The following STK33 variants were observed in gnomAD, a reference collection of about 807,000 sequenced individuals.
The protein encoded by STK33 is serine/threonine kinase 33.
STK33 carries 52 observed loss-of-function variants against 58.0 expected under a neutral mutation model. The ratio of observed to expected loss-of-function variants is 0.90; its 90% CI spans 0.72 to 1.13. STK33 has a LOEUF of 1.13. Ranked by LOEUF, STK33 falls within the 50% of genes most tolerant of loss-of-function variation. The pLI, the probability that STK33 is intolerant of heterozygous loss-of-function variation, is 0.00. For missense variants in STK33, 630 were observed against 604.2 expected (o/e 1.04, Z -0.45); for synonymous variants, 215 against 200.1 (o/e 1.07, Z -0.63).
chr11:8,578,222 T>C (rs1437320681), intron 1 of STK33, among the ~76,000 whole-genome samples: 2 of 152,124 alleles, frequency 1.3e-5, no homozygotes, highest in African/African-American at 4.8e-5. Flanking sequence ...TATTAGTGAA[T>C]TTCACCATGC....
At chr11:8,499,987 T>A (rs1951388875) in intron 1 of STK33, among the ~76,000 whole-genome samples, 1 of 151,990 alleles carries the variant, frequency 6.6e-6, no homozygotes, top group African/African-American at 2.4e-5. Context: ...GGTTGATGGG[T>A]GCAGTAAACC....
At chr11:8,361,670 T>C in the STK33 span, among the ~76,000 whole-genome samples, 1 of 152,224 alleles carries the variant, frequency 6.6e-6, no homozygotes, top group African/African-American at 2.4e-5. The surrounding 1 kb of genome is among the most constrained non-coding windows in gnomAD (Gnocchi z 4.8). Flanking sequence ...TTGTCTCCTC[T>C]GCTTCTTCAG....
intron 1 of STK33, among the ~76,000 whole-genome samples, chr11:8,587,218 T>C (rs571721516): frequency 5.9e-4 from 90 of 152,322 alleles, no homozygotes; most frequent in African/African-American, 2.1e-3. Flanking sequence ...GTTTTTTTAA[T>C]TGCATTTATA....
chr11:8,572,091 C>A (rs1957867741), intron 1 of STK33, among the ~76,000 whole-genome samples: 1 of 149,136 alleles, frequency 6.7e-6, no homozygotes, highest in Admixed American at 6.7e-5. Context: ...AAAAACTATC[C>A]AAGGCTCGTG....
At chr11:8,353,365 G>A in the STK33 span, among the ~76,000 whole-genome samples, 2 of 152,162 alleles carry the variant, frequency 1.3e-5, no homozygotes, top group African/African-American at 2.4e-5. Context: ...TTGTCAAAGC[G>A]TCCTTTTGTC....
intron 7 of STK33, among the ~76,000 whole-genome samples, chr11:8,464,096 C>T (rs766215368): frequency 6.6e-6 from 1 of 152,116 alleles, no homozygotes; most frequent in Non-Finnish European, 1.5e-5. Flanking sequence ...TTTTCCCAGG[C>T]ACAGAAATGA....
intron 1 of STK33, among the ~76,000 whole-genome samples, chr11:8,545,521 C>T (rs1057490847): frequency 3.9e-5 from 6 of 152,230 alleles, no homozygotes; most frequent in South Asian, 4.1e-4. Context: ...CCCCTGAATG[C>T]GTTTGTTTAA....
At chr11:8,400,907 AC>A (rs1937769444) in intron 15 of STK33, among the ~76,000 whole-genome samples, 1 of 152,212 alleles carries the variant, frequency 6.6e-6, no homozygotes, top group South Asian at 2.1e-4. Context: ...AATCCAACTT[AC>A]AAGGGATGTG....
the STK33 span, among the ~76,000 whole-genome samples, chr11:8,342,259 T>C: frequency 6.6e-6 from 1 of 152,206 alleles, no homozygotes; most frequent in Non-Finnish European, 1.5e-5. Flanking sequence ...CGTGACTTCC[T>C]CCAGGACCTT....
At chr11:8,459,418 T>C (rs906748043) in intron 8 of STK33, among the ~76,000 whole-genome samples, 1 of 152,170 alleles carries the variant, frequency 6.6e-6, no homozygotes, top group Non-Finnish European at 1.5e-5. Flanking sequence ...GATGATGGTT[T>C]CCTCTGCCTT....
chr11:8,379,117 A>C, the STK33 span, among the ~76,000 whole-genome samples: 1 of 152,138 alleles, frequency 6.6e-6, no homozygotes, highest in Non-Finnish European at 1.5e-5. Context: ...CTGGATCCCT[A>C]TCTCTCACCT....
intron 11 of STK33, among the ~76,000 whole-genome samples, chr11:8,447,572 G>A (rs1403656160): frequency 6.6e-6 from 1 of 152,128 alleles, no homozygotes; most frequent in Non-Finnish European, 1.5e-5. Context: ...AAAGGCCTTT[G>A]ACAAAATTCA....
At chr11:8,344,198 A>AAAACACACACACACACACAC in the STK33 span, among the ~76,000 whole-genome samples, 1 of 137,118 alleles carries the variant, frequency 7.3e-6, no homozygotes, top group African/African-American at 2.8e-5. Flanking sequence ...AAACAAACAA[A>AAAACACACACACACACACAC]ACACACACAC....
At chr11:8,364,832 A>T in the STK33 span, among the ~76,000 whole-genome samples, 1 of 152,172 alleles carries the variant, frequency 6.6e-6, no homozygotes, top group Non-Finnish European at 1.5e-5. Flanking sequence ...TCTCCTACGC[A>T]TATAGTTGCT....
At chr11:8,398,654 G>T (rs761283338) in intron 15 of STK33, among the ~76,000 whole-genome samples, 2 of 152,052 alleles carry the variant, frequency 1.3e-5, no homozygotes, top group African/African-American at 2.4e-5. Flanking sequence ...CCAATTAAAA[G>T]ACACAGACTG....
At chr11:8,411,848 C>T (rs1215545767) in intron 15 of STK33, among the ~76,000 whole-genome samples, 2 of 152,156 alleles carry the variant, frequency 1.3e-5, no homozygotes, top group African/African-American at 4.8e-5. Flanking sequence ...GAAATGTCAA[C>T]CCACTGGTAT....
chr11:8,394,971 C>A (rs1696117614), intron 15 of STK33, among the ~76,000 whole-genome samples: 1 of 152,096 alleles, frequency 6.6e-6, no homozygotes, highest in South Asian at 2.1e-4. Context: ...CTGAGCTCTG[C>A]CCCCAAAGAC....
At chr11:8,356,062 T>G in the STK33 span, among the ~76,000 whole-genome samples, 1 of 152,016 alleles carries the variant, frequency 6.6e-6, no homozygotes, top group Non-Finnish European at 1.5e-5. Context: ...TAACAGGGGG[T>G]GCAGGGGTGG....
the STK33 span, among the ~76,000 whole-genome samples, chr11:8,379,952 C>T: frequency 5.3e-5 from 8 of 152,302 alleles, no homozygotes; most frequent in African/African-American, 1.9e-4. Context: ...CTGCAAAGGA[C>T]GTGACCTCAT....
Sources: gnomAD v4.1 joint callset for allele counts (sites outside exome capture counted in the v4.1 genomes callset) on GRCh38, gnomAD v4.1.1 for gene constraint, Gnocchi (gnomAD v3.1) non-coding constraint, MANE v1.5 for transcripts, NCBI Gene and HGNC (gene_info 2026-07-23, HGNC 2026-07-21) for gene names.